The following SLC9D1 variants were observed in gnomAD, a reference collection of about 807,000 sequenced individuals.
The protein encoded by SLC9D1 is solute carrier family 9 member D1.
the SLC9D1 span, chr13:113,520,641 C>A: frequency 3.7e-5 from 59 of 1,613,850 alleles, no homozygotes; most frequent in Non-Finnish European, 4.8e-5. Context: ...GCACCGTGCT[C>A]CTCGGCATGC....
the SLC9D1 span, among the ~76,000 whole-genome samples, chr13:113,518,286 G>A: frequency 2.8e-4 from 42 of 152,172 alleles, no homozygotes; most frequent in Admixed American, 2.0e-3. Flanking sequence ...CTCGTGAGCA[G>A]TGTTTCCTGC....
At chr13:113,491,424 T>TGGGGCTCCCCTCTCTCCCTCCCC in the SLC9D1 span, among the ~76,000 whole-genome samples, 1 of 139,538 alleles carries the variant, frequency 7.2e-6, no homozygotes, top group South Asian at 2.5e-4. Flanking sequence ...CCTCCCTCCC[T>TGGGGCTCCCCTCTCTCCCTCCCC]GGGGCTCCCC....
the SLC9D1 span, chr13:113,503,890 A>G: frequency 6.4e-6 from 2 of 314,268 alleles, no homozygotes; most frequent in African/African-American, 4.3e-5. Flanking sequence ...AAACTGTTAG[A>G]GGGTCAGATG....
the SLC9D1 span, among the ~76,000 whole-genome samples, chr13:113,522,989 T>G: frequency 1.3e-5 from 2 of 152,168 alleles, no homozygotes; most frequent in Non-Finnish European, 2.9e-5. Flanking sequence ...GAACCAGCCT[T>G]GCATACCTGG....
chr13:113,503,674 A>G, the SLC9D1 span: 1 of 753,748 alleles, frequency 1.3e-6, no homozygotes, highest in Non-Finnish European at 2.3e-6. Context: ...CTTGTTGATG[A>G]ATTCACTATC....
chr13:113,539,543 T>A, the SLC9D1 span: 1 of 1,603,520 alleles, frequency 6.2e-7, no homozygotes, highest in Non-Finnish European at 8.5e-7. The surrounding 1 kb of genome is among the most constrained non-coding windows in gnomAD (Gnocchi z 4.8). Flanking sequence ...TTGTGTTGGT[T>A]AAACGTATGC....
the SLC9D1 span, among the ~76,000 whole-genome samples, chr13:113,513,383 G>A: frequency 6.9e-6 from 1 of 144,548 alleles, no homozygotes. Context: ...CGTGGAAGCA[G>A]CAGGGAGACA....
At chr13:113,531,798 G>C in the SLC9D1 span, among the ~76,000 whole-genome samples, 1 of 152,268 alleles carries the variant, frequency 6.6e-6, no homozygotes, top group African/African-American at 2.4e-5. Flanking sequence ...GGTCAGAGTT[G>C]AGCGCACTGT....
chr13:113,549,237 C>T, the SLC9D1 span, among the ~76,000 whole-genome samples: 5,707 of 151,584 alleles, frequency 0.038, 287 homozygotes, highest in African/African-American at 0.12. Context: ...GGCATGACCG[C>T]GCTTAGCTTC....
At chr13:113,515,319 A>G in the SLC9D1 span, among the ~76,000 whole-genome samples, 2 of 152,246 alleles carry the variant, frequency 1.3e-5, no homozygotes, top group African/African-American at 4.8e-5. Context: ...ATGGAGGGAA[A>G]GATAGAAGAT....
At chr13:113,499,304 T>C in the SLC9D1 span, among the ~76,000 whole-genome samples, 1 of 152,336 alleles carries the variant, frequency 6.6e-6, no homozygotes, top group South Asian at 2.1e-4. Context: ...GCGGGGTCTT[T>C]GTGGCCTGTA....
At chr13:113,508,040 C>G in the SLC9D1 span, among the ~76,000 whole-genome samples, 1 of 152,274 alleles carries the variant, frequency 6.6e-6, no homozygotes, top group Non-Finnish European at 1.5e-5. Flanking sequence ...CCGTGTTGAA[C>G]AGGAAGCTTC....
At chr13:113,535,476 A>G in the SLC9D1 span, among the ~76,000 whole-genome samples, 1 of 152,224 alleles carries the variant, frequency 6.6e-6, no homozygotes, top group Admixed American at 6.5e-5. This position sits in a 1 kb window ranked among gnomAD's most constrained non-coding sequence, Gnocchi z 4.1. Flanking sequence ...CAGAGAAATG[A>G]AGCCGTGTTC....
At chr13:113,539,155 A>G in the SLC9D1 span, among the ~76,000 whole-genome samples, 1 of 152,204 alleles carries the variant, frequency 6.6e-6, no homozygotes, top group Non-Finnish European at 1.5e-5. The surrounding 1 kb of genome is among the most constrained non-coding windows in gnomAD (Gnocchi z 4.8). Flanking sequence ...TCTCCCAGTA[A>G]GGTTAATTCA....
chr13:113,537,981 GTATGCTTTGTGGTGTGTGTACA>G, the SLC9D1 span, among the ~76,000 whole-genome samples: 25 of 145,038 alleles, frequency 1.7e-4, no homozygotes, highest in African/African-American at 6.2e-4. Context: ...GTGTGTACAT[GTATGCTTTGTGGTGTGTGTACA>G]TGTGTGTGCT....
At chr13:113,525,398 G>A in the SLC9D1 span, among the ~76,000 whole-genome samples, 5 of 152,184 alleles carry the variant, frequency 3.3e-5, no homozygotes, top group African/African-American at 7.2e-5. Context: ...GGCATGGTAC[G>A]GAATACTTGA....
At chr13:113,518,386 G>A in the SLC9D1 span, among the ~76,000 whole-genome samples, 2 of 152,194 alleles carry the variant, frequency 1.3e-5, no homozygotes, top group Non-Finnish European at 2.9e-5. Context: ...GGCCTAGCGG[G>A]CAACAGTTGA....
At chr13:113,528,167 CCTT>C in the SLC9D1 span, 11 of 152,320 alleles carry the variant, frequency 7.2e-5, no homozygotes, top group African/African-American at 2.2e-4. Flanking sequence ...TGTCTTTTCT[CCTT>C]CAAGTTGTGA....
chr13:113,502,557 T>A, the SLC9D1 span, among the ~76,000 whole-genome samples: 3 of 152,172 alleles, frequency 2.0e-5, no homozygotes, highest in Admixed American at 6.5e-5. Flanking sequence ...ATGGAAAAGC[T>A]GATTAGCCCC....
Sources: gnomAD v4.1 joint callset for allele counts (sites outside exome capture counted in the v4.1 genomes callset) on GRCh38, gnomAD v4.1.1 for gene constraint, Gnocchi (gnomAD v3.1) non-coding constraint, MANE v1.5 for transcripts, NCBI Gene and HGNC (gene_info 2026-07-23, HGNC 2026-07-21) for gene names.